The following CDC20B variants were observed in gnomAD, a reference collection of about 807,000 sequenced individuals.
The protein encoded by CDC20B is cell division cycle 20B.
CDC20B carries 58 observed loss-of-function variants against 64.1 expected under a neutral mutation model. The ratio of observed to expected loss-of-function variants is 0.90; its 90% CI spans 0.73 to 1.13. The LOEUF (loss-of-function observed/expected upper bound fraction) is 1.13, where lower values mean the gene tolerates loss of function less well. Ranked by LOEUF, CDC20B falls within the 50% of genes most tolerant of loss-of-function variation. CDC20B has a pLI of 0.00. For synonymous variants in CDC20B, 243 were observed against 230.6 expected (o/e 1.05, Z -0.49); for missense variants, 597 against 633.0 (o/e 0.94, Z 0.61).
At chr5:55,147,644 T>C (rs1743534380) in intron 2 of CDC20B, among the ~76,000 whole-genome samples, 1 of 151,640 alleles carries the variant, frequency 6.6e-6, no homozygotes, top group African/African-American at 2.4e-5. Flanking sequence ...ATTTCTTCTA[T>C]CTAAAAAACA....
At chr5:55,115,092 C>T (rs1287402363) in intron 11 of CDC20B, among the ~76,000 whole-genome samples, 3 of 152,080 alleles carry the variant, frequency 2.0e-5, no homozygotes, top group Admixed American at 1.3e-4. Flanking sequence ...CCCCAGGTTT[C>T]AATAAACTAA....
intron 2 of CDC20B, chr5:55,164,318 C>G (rs1744262669): frequency 2.3e-6 from 2 of 872,592 alleles, no homozygotes; most frequent in Non-Finnish European, 1.6e-6. Flanking sequence ...CACTCTGTCA[C>G]CCAGGCTGGA....
chr5:55,119,021 C>CTTCATAAATATCCCCAG (rs1742691243), intron 11 of CDC20B, among the ~76,000 whole-genome samples: 1 of 152,188 alleles, frequency 6.6e-6, no homozygotes, highest in Non-Finnish European at 1.5e-5. Context: ...CCAAAAAGTA[C>CTTCATAAATATCCCCAG]CTCCCACATA....
At chr5:55,162,000 G>A (rs1411918139) in intron 2 of CDC20B, among the ~76,000 whole-genome samples, 3 of 144,732 alleles carry the variant, frequency 2.1e-5, no homozygotes, top group African/African-American at 5.1e-5. Context: ...GCCTTCTTAA[G>A]ATTGTTTGGA....
chr5:55,122,351 C>T (rs1304720385), intron 9 of CDC20B, among the ~76,000 whole-genome samples: 3 of 151,742 alleles, frequency 2.0e-5, no homozygotes, highest in African/African-American at 7.3e-5. Context: ...GTCAATGAAG[C>T]CTCAATCTCC....
chr5:55,158,616 G>T (rs2111924501), intron 2 of CDC20B, among the ~76,000 whole-genome samples: 1 of 152,298 alleles, frequency 6.6e-6, no homozygotes, highest in South Asian at 2.1e-4. Flanking sequence ...CAAGCTAACA[G>T]TGACAGGAAG....
intron 11 of CDC20B, among the ~76,000 whole-genome samples, chr5:55,116,452 T>G (rs1360888029): frequency 1.3e-5 from 2 of 151,514 alleles, no homozygotes; most frequent in African/African-American, 4.9e-5. Context: ...ATGCTTTTAT[T>G]TATTTATTTA....
chr5:55,125,356 C>T (rs1318311177), intron 8 of CDC20B, among the ~76,000 whole-genome samples: 1 of 152,156 alleles, frequency 6.6e-6, no homozygotes, highest in African/African-American at 2.4e-5. Context: ...AGTTTATATA[C>T]AGGACCTAGG....
At chr5:55,123,063 A>G (rs956682425) in intron 9 of CDC20B, among the ~76,000 whole-genome samples, 1 of 152,228 alleles carries the variant, frequency 6.6e-6, no homozygotes, top group African/African-American at 2.4e-5. Flanking sequence ...AAATATGGTT[A>G]TAGTTCATAC....
intron 2 of CDC20B, among the ~76,000 whole-genome samples, chr5:55,167,463 C>T (rs1744452058): frequency 6.6e-6 from 1 of 152,132 alleles, no homozygotes; most frequent in African/African-American, 2.4e-5. Context: ...AGGAGGAATC[C>T]TGACATACAG....
intron 2 of CDC20B, chr5:55,172,276 CAGAG>C: frequency 3.5e-6 from 1 of 288,176 alleles, no homozygotes; most frequent in Non-Finnish European, 6.6e-6. Context: ...CTGAATGCAA[CAGAG>C]AGGAGTGCAA....
chr5:55,164,073 C>G, intron 2 of CDC20B: 5 of 1,587,506 alleles, frequency 3.1e-6, no homozygotes, highest in Non-Finnish European at 4.3e-6. Context: ...AAGAAGGAAC[C>G]AAGGTGGAAT....
chr5:55,156,175 C>T (rs1462485971), intron 2 of CDC20B, among the ~76,000 whole-genome samples: 3 of 152,092 alleles, frequency 2.0e-5, no homozygotes, highest in African/African-American at 7.2e-5. Flanking sequence ...CATCAGATCT[C>T]GTGAGACTTA....
At chr5:55,150,564 T>C (rs1342252543) in intron 2 of CDC20B, among the ~76,000 whole-genome samples, 1 of 152,152 alleles carries the variant, frequency 6.6e-6, no homozygotes, top group Non-Finnish European at 1.5e-5. Context: ...TAAAGTGTTG[T>C]TGGGGGTCAG....
At chr5:55,149,411 T>C (rs934024842) in intron 2 of CDC20B, among the ~76,000 whole-genome samples, 3 of 152,222 alleles carry the variant, frequency 2.0e-5, no homozygotes, top group African/African-American at 4.8e-5. Flanking sequence ...CATATGTTCA[T>C]AGTAGCACTA....
intron 2 of CDC20B, among the ~76,000 whole-genome samples, chr5:55,159,763 T>C (rs1743936650): frequency 6.6e-6 from 1 of 152,128 alleles, no homozygotes; most frequent in African/African-American, 2.4e-5. Context: ...ACCATATGAG[T>C]AGGTCACATT....
At chr5:55,127,372 A>G (rs1742920679) in intron 7 of CDC20B, 21 bp from the exon 8 acceptor site, 1 of 1,598,262 alleles carries the variant, frequency 6.3e-7, no homozygotes, top group Non-Finnish European at 8.6e-7. Flanking sequence ...GAACAAGGAG[A>G]GTTATGTAGC....
chr5:55,164,153 G>A (rs1160083517), intron 2 of CDC20B: 2 of 1,604,542 alleles, frequency 1.2e-6, no homozygotes, highest in South Asian at 2.2e-5. Flanking sequence ...GCCCATTGAA[G>A]TCATCAGGCC....
At chr5:55,127,134 G>T (rs1742912089) in intron 8 of CDC20B, 123 bp downstream of exon 8, 1 of 804,730 alleles carries the variant, frequency 1.2e-6, no homozygotes, top group Non-Finnish European at 2.0e-6. Context: ...CTGATATTAA[G>T]TCCAATGGCC....
Sources: gnomAD v4.1 joint callset for allele counts (sites outside exome capture counted in the v4.1 genomes callset) on GRCh38, gnomAD v4.1.1 for gene constraint, MANE v1.5 for transcripts, NCBI Gene and HGNC (gene_info 2026-07-23, HGNC 2026-07-21) for gene names.